DNM3: variants seen among roughly 807,000 people sequenced by gnomAD.
DNM3 encodes dynamin-3.
Under a neutral mutation model 101.6 loss-of-function variants are expected in DNM3, and 47 were observed. The observed-to-expected ratio is 0.46, with a 90% CI of 0.37 to 0.59. DNM3 has a LOEUF of 0.59. Among genes scored for constraint, DNM3 ranks in the 20% least tolerant of loss-of-function variants. The probability of loss-of-function intolerance (pLI) is 0.00; values close to 1 mark genes in which losing one functional copy is unlikely to be tolerated. For synonymous variants in DNM3, 385 were observed against 387.9 expected, an observed-to-expected ratio of 0.99 and a Z score of 0.09; for missense variants, 849 against 1,085.7, an observed-to-expected ratio of 0.78 and a Z score of 3.06.
chr1:171,867,376 T>C (rs1429860081), intron 1 of DNM3, among the ~76,000 whole-genome samples: 1 of 152,256 alleles, frequency 6.6e-6, no homozygotes, highest in African/African-American at 2.4e-5. Flanking sequence ...TTAATATGGC[T>C]GTTCGTGCTT....
intron 14 of DNM3, among the ~76,000 whole-genome samples, chr1:172,148,843 A>G (rs2058022983): frequency 1.3e-5 from 2 of 152,112 alleles, no homozygotes; most frequent in Admixed American, 1.3e-4. Context: ...GTTAGGGCTC[A>G]AAGGAATAGA....
intron 1 of DNM3, among the ~76,000 whole-genome samples, chr1:171,888,139 A>G (rs1294715207): frequency 6.6e-6 from 1 of 151,652 alleles, no homozygotes; most frequent in Non-Finnish European, 1.5e-5. Flanking sequence ...ATATATTAAG[A>G]ATCTAGGAGT....
intron 14 of DNM3, among the ~76,000 whole-genome samples, chr1:172,136,018 G>A (rs1422124802): frequency 6.6e-6 from 1 of 151,934 alleles, no homozygotes; most frequent in South Asian, 2.1e-4. Flanking sequence ...AAATCATAAT[G>A]AGCTACTCCT....
At chr1:171,932,346 T>C (rs1421135195) in intron 2 of DNM3, among the ~76,000 whole-genome samples, 1 of 151,670 alleles carries the variant, frequency 6.6e-6, no homozygotes, top group African/African-American at 2.4e-5. Context: ...GGTCTTGCTA[T>C]GTTGCTCAGG....
At position 172,409,361 on chromosome 1, in the gene DNM3, CATAA is replaced by C. The variant is rs989995463; in HGVS notation, c.*1522_*1525del. 2.0e-6 allele frequency: 2 copies of C among 985,106 alleles called. No homozygotes were observed. The highest frequency in any genetic ancestry group is 2.4e-6 in the Non-Finnish European group (2 of 829,688). 61.0% of individuals were successfully genotyped at this position (985,106 alleles called of 1,614,324 possible). A position where few individuals can be genotyped will look rare whatever the true frequency, so the allele number is the denominator to read the frequency against. On this transcript the variant is annotated 3_prime_UTR_variant, in exon 21 of 21. Coordinates refer to ENST00000627582, the MANE Select transcript of DNM3 (RefSeq NM_015569.5). ...GTAGTTTACACCCAGAGCAGATACT[CATAA>C]AGTATAAAGTAAAAACTTTTAACCA... is the stretch of plus-strand genomic sequence containing the variant.
intron 11 of DNM3, among the ~76,000 whole-genome samples, chr1:172,075,079 G>A (rs12630185): frequency 1.3e-5 from 2 of 151,992 alleles, no homozygotes; most frequent in Admixed American, 6.6e-5. Flanking sequence ...GTGATGATGA[G>A]CTTTTTTTTC....
chr1:172,323,938 CA>C (rs1312094736), intron 17 of DNM3, among the ~76,000 whole-genome samples: 1 of 151,952 alleles, frequency 6.6e-6, no homozygotes, highest in Non-Finnish European at 1.5e-5. Flanking sequence ...AGGGGGTGGC[CA>C]AAATGTGTAT....
In DNM3 at chr1:172,039,331, T is replaced by C. The variant is rs1048463843; in HGVS notation, c.992+870T>C. On this transcript the variant is annotated intron_variant, in intron 7 of 20. Transcript: ENST00000627582. ...GCGTGGCAATCAAAGCATCCTTCAA[T>C]TGGCATTCAAAGTGCACACTATAAT... Among the ~76,000 whole-genome samples the C allele has an allele frequency of 2.6e-5, 4 of 152,160 alleles. No homozygotes were observed. The East Asian group carries it at 5.8e-4, about 22-fold the overall frequency.
At chr1:171,969,622 C>A (rs531206822) in intron 2 of DNM3, among the ~76,000 whole-genome samples, 2 of 152,126 alleles carry the variant, frequency 1.3e-5, no homozygotes, top group South Asian at 4.2e-4. Context: ...CTTTCTTGGT[C>A]ATATAAAGGA....
At chr1:172,129,980 AAC>A (rs1402428231) in intron 13 of DNM3, among the ~76,000 whole-genome samples, 1 of 152,094 alleles carries the variant, frequency 6.6e-6, no homozygotes, top group Non-Finnish European at 1.5e-5. Context: ...GCAATGCTGA[AAC>A]AGGGAATCAA....
intron 2 of DNM3, among the ~76,000 whole-genome samples, chr1:171,931,805 T>C (rs1246253577): frequency 6.6e-6 from 1 of 152,186 alleles, no homozygotes; most frequent in African/African-American, 2.4e-5. Flanking sequence ...CTCCCATTAC[T>C]TTTTTTAAAT....
chr1:172,308,533 T>TA (rs1553229616), intron 15 of DNM3, among the ~76,000 whole-genome samples, 195 bp from the exon 16 acceptor site: 7 of 152,070 alleles, frequency 4.6e-5, no homozygotes, highest in African/African-American at 7.3e-5. Context: ...TGTGATTTTT[T>TA]AAAAAATTAT....
chr1:172,124,234 T>C (rs1010713863), intron 13 of DNM3, among the ~76,000 whole-genome samples: 9 of 152,182 alleles, frequency 5.9e-5, no homozygotes, highest in African/African-American at 1.9e-4. Context: ...AGTTCCTAGA[T>C]ACAAAAGTTC....
At chr1:172,004,094 T>C (rs1323607068) in intron 4 of DNM3, among the ~76,000 whole-genome samples, 1 of 151,844 alleles carries the variant, frequency 6.6e-6, no homozygotes, top group Non-Finnish European at 1.5e-5. Flanking sequence ...ATTGGCAAAA[T>C]AATAATTGGA....
intron 14 of DNM3, chr1:172,131,757 A>T: frequency 2.8e-6 from 1 of 358,554 alleles, no homozygotes; most frequent in Non-Finnish European, 5.4e-6. Flanking sequence ...CCACATCGCT[A>T]GTCTTCAAGT....
chr1:172,314,115 C>A (rs528120032), intron 16 of DNM3, among the ~76,000 whole-genome samples: 2 of 152,058 alleles, frequency 1.3e-5, no homozygotes, highest in South Asian at 2.1e-4. Context: ...GGACATATAC[C>A]CAAAGGATTA....
At chr1:172,094,431 A>G (rs191882947) in intron 13 of DNM3, among the ~76,000 whole-genome samples, 252 of 152,300 alleles carry the variant, frequency 1.7e-3, no homozygotes, top group Middle Eastern at 3.4e-3. Flanking sequence ...AGATTGGAGC[A>G]TGGGTCAATT....
chr1:171,915,355 G>A (rs971838865), intron 1 of DNM3, among the ~76,000 whole-genome samples: 1 of 152,214 alleles, frequency 6.6e-6, no homozygotes, highest in African/African-American at 2.4e-5. Flanking sequence ...GCTCAAATTA[G>A]ATGCAGGGAA....
intron 2 of DNM3, among the ~76,000 whole-genome samples, chr1:171,947,428 C>G (rs780083939): frequency 9.2e-5 from 14 of 152,240 alleles, no homozygotes; most frequent in Non-Finnish European, 1.9e-4. Flanking sequence ...TCTAATTTGA[C>G]TAGGCTTAGA....
Sources: allele counts gnomAD v4.1 joint callset (sites outside exome capture counted in the v4.1 genomes callset), GRCh38; gene constraint gnomAD v4.1.1; transcripts MANE v1.5; gene names NCBI Gene and HGNC (gene_info 2026-07-23, HGNC 2026-07-21).